The following LIMA1 variants were observed in gnomAD, a reference collection of about 807,000 sequenced individuals.
LIMA1 encodes LIM domain and actin binding 1, also known as LIM domain and actin-binding protein 1.
In LIMA1, 52 loss-of-function variants were observed where a neutral mutation model predicts 62.6. The observed-to-expected ratio is 0.83, with a 90% confidence interval of 0.67 to 1.05. The LOEUF is 1.05. LIMA1 is among the 50% of genes least tolerant of loss of function. The probability of loss-of-function intolerance (pLI) is 0.00; values close to 1 mark genes in which losing one functional copy is unlikely to be tolerated. For missense variants in LIMA1, 780 were observed against 902.2 expected (o/e 0.86, Z 1.74); for synonymous variants, 302 against 317.8 (o/e 0.95, Z 0.53).
At chr12:50,236,771 T>A (rs1385577132) in intron 2 of LIMA1, among the ~76,000 whole-genome samples, 1 of 151,978 alleles carries the variant, frequency 6.6e-6, no homozygotes, top group African/African-American at 2.4e-5. Flanking sequence ...CGCACACAGC[T>A]AATAAGCTAA....
intron 1 of LIMA1, among the ~76,000 whole-genome samples, chr12:50,276,953 C>A (rs1942282545): frequency 6.6e-6 from 1 of 151,542 alleles, no homozygotes; most frequent in Non-Finnish European, 1.5e-5. Flanking sequence ...GACCACAGGA[C>A]AAAAAATTAA....
chr12:50,282,537 A>T (rs1404107157), intron 1 of LIMA1, among the ~76,000 whole-genome samples: 2 of 152,018 alleles, frequency 1.3e-5, no homozygotes, highest in Admixed American at 6.6e-5. Context: ...TTATTTATTT[A>T]TTTTTTTGTA....
intron 1 of LIMA1, among the ~76,000 whole-genome samples, chr12:50,262,437 T>C (rs1444001508): frequency 6.6e-6 from 1 of 152,014 alleles, no homozygotes; most frequent in African/African-American, 2.4e-5. Context: ...GAAGCAACTC[T>C]AGTGTCAGAG....
rs571715319 is a variant in LIMA1, at chr12:50,232,771, G to A, written c.120-1061C>T. Among the ~76,000 whole-genome samples the A allele has an allele frequency of 6.6e-5, 10 of 152,342 alleles. No homozygotes were observed. The South Asian group carries it at 2.1e-3, about 32-fold the overall frequency. On this transcript the variant is annotated intron_variant, in intron 2 of 10. Transcript: ENST00000341247. ...AGAGGCCGAGGTGGGTGGATCGCCT[G>A]AGGTCAGGAGTTCAAGACCAGCCTG... is the stretch of plus-strand genomic sequence containing the variant.
chr12:50,214,645 A>G (rs1480172719), intron 4 of LIMA1, among the ~76,000 whole-genome samples: 1 of 152,242 alleles, frequency 6.6e-6, no homozygotes, highest in Non-Finnish European at 1.5e-5. Flanking sequence ...AGTCTCTACT[A>G]AAAACACAAA....
At chr12:50,193,694 T>G (rs2138436446) in intron 8 of LIMA1, among the ~76,000 whole-genome samples, 2 of 123,982 alleles carry the variant, frequency 1.6e-5, no homozygotes, top group South Asian at 5.3e-4. Flanking sequence ...TTTCAGAGTC[T>G]CACTCTGTCA....
At position 50,258,701 on chromosome 12, in the gene LIMA1, G is replaced by A. The variant is rs1286715573; in HGVS notation, c.-23-9927C>T. The stretch of plus-strand genomic sequence containing the variant: ...TCTCACTCTGTCACCAGGCTGGAGT[G>A]CAGTGGTGCGATCTCGGCTCACTGC... On this transcript the variant is annotated intron_variant, in intron 1 of 10. Transcript: ENST00000341247. Among the ~76,000 whole-genome samples the A allele has an allele frequency of 2.9e-5, 4 of 137,958 alleles. No individual in the cohort carries two copies. The East Asian group carries it at 6.5e-4, about 23-fold the overall frequency. 90.5% of individuals were successfully genotyped at this position (137,958 alleles called of 152,430 possible). A position where few individuals can be genotyped will look rare whatever the true frequency, so the allele number is the denominator to read the frequency against.
intron 4 of LIMA1, among the ~76,000 whole-genome samples, chr12:50,207,009 C>A (rs1191316351): frequency 6.6e-6 from 1 of 152,056 alleles, no homozygotes; most frequent in Non-Finnish European, 1.5e-5. Context: ...ACTGCAGCCT[C>A]CGCCTCCCAG....
chr12:50,218,895 T>TAAAAAAAAAAAAAAAA (rs1409254811), intron 4 of LIMA1, among the ~76,000 whole-genome samples: 1 of 73,992 alleles, frequency 1.4e-5, no homozygotes, highest in African/African-American at 4.9e-5. Context: ...CCTATCTCCA[T>TAAAAAAAAAAAAAAAA]AAAAAAAAAA....
At chr12:50,223,656 G>T (rs1394260705) in intron 3 of LIMA1, among the ~76,000 whole-genome samples, 1 of 152,088 alleles carries the variant, frequency 6.6e-6, no homozygotes, top group Non-Finnish European at 1.5e-5. Flanking sequence ...GGCCAAAAAT[G>T]GAATTAATTT....
intron 1 of LIMA1, among the ~76,000 whole-genome samples, chr12:50,282,035 CCTAAA>C (rs1942345392): frequency 6.6e-6 from 1 of 152,268 alleles, no homozygotes; most frequent in East Asian, 1.9e-4. Context: ...GAAATAAGTT[CCTAAA>C]CTAATTACCT....
At position 50,222,200 on chromosome 12, in the gene LIMA1, G is replaced by T; in HGVS notation, c.451C>A (p.Leu151Ile). 1 of 1,614,172 alleles carries T rather than the reference G, an allele frequency of 6.2e-7. No homozygotes were observed. Among genetic ancestry groups the T allele is most frequent in the South Asian group, 1.1e-5 (1 of 91,080 alleles). Reference sequence around the variant, plus strand: ...TTACTTTCTGTTGAGTGGTCTTTAAGATCCTCACCGTCCTTGATGTGGGGA... The same window carrying T: ...TTACTTTCTGTTGAGTGGTCTTTAATATCCTCACCGTCCTTGATGTGGGGA... ...RYPHIKDGEDLKDHSTESKKM... is the reference protein window; with the variant it reads ...RYPHIKDGEDIKDHSTESKKM... The change falls in exon 4 of 11, where the codon CTT becomes ATT. Residue 151 changes from leucine (L) to isoleucine (I), a missense_variant. Coordinates refer to ENST00000341247, the MANE Select transcript of LIMA1 (RefSeq NM_016357.5).
At chr12:50,179,809 T>C (rs947634250) in intron 10 of LIMA1, among the ~76,000 whole-genome samples, 6 of 151,540 alleles carry the variant, frequency 4.0e-5, no homozygotes, top group Non-Finnish European at 7.4e-5. Flanking sequence ...GGTATGATCA[T>C]AGCTCACTGC....
At chr12:50,201,038 T>TG in intron 6 of LIMA1, 154 bp from the exon 7 acceptor site, 1 of 1,425,926 alleles carries the variant, frequency 7.0e-7, no homozygotes, top group Non-Finnish European at 9.1e-7. Flanking sequence ...CAAAACCCAC[T>TG]GACTAGTGAA....
At chr12:50,201,189 C>T in intron 6 of LIMA1, 4 of 1,084,086 alleles carry the variant, frequency 3.7e-6, no homozygotes, top group Non-Finnish European at 4.5e-6. Flanking sequence ...TTGTGATTCA[C>T]TCTTCTAGCA....
chr12:50,263,834 G>GTATATATA (rs71441348), intron 1 of LIMA1, among the ~76,000 whole-genome samples: 1 of 116,284 alleles, frequency 8.6e-6, no homozygotes, highest in South Asian at 2.9e-4. Context: ...TATAGAGAGA[G>GTATATATA]TATATATATA....
chr12:50,260,685 T>A (rs1239222314), intron 1 of LIMA1, among the ~76,000 whole-genome samples: 1 of 152,144 alleles, frequency 6.6e-6, no homozygotes, highest in Admixed American at 6.6e-5. Context: ...AAAGGAGAAC[T>A]TACAGGTTCT....
chr12:50,280,097 T>C (rs1217791439), intron 1 of LIMA1, among the ~76,000 whole-genome samples: 1 of 151,122 alleles, frequency 6.6e-6, no homozygotes, highest in African/African-American at 2.4e-5. Flanking sequence ...AAAAGTTGCA[T>C]CTTTTTTTCC....
At position 50,200,902 on chromosome 12, in the gene LIMA1, C is replaced by G. The variant is rs756520427; in HGVS notation, c.865-18G>C. 4 of 1,609,826 alleles carry G rather than the reference C, an allele frequency of 2.5e-6. No homozygotes were observed. Among genetic ancestry groups the G allele is most frequent in the Non-Finnish European group, 8.5e-7 (1 of 1,178,966 alleles). Reference sequence around the variant, plus strand: ...AGCTCATTCTACAAAATAAAAATAACTGTAAAAATTTTTTTAAAGTCCCAT... The same window carrying G: ...AGCTCATTCTACAAAATAAAAATAAGTGTAAAAATTTTTTTAAAGTCCCAT... On this transcript the variant is annotated intron_variant, in intron 6 of 10. Transcript: ENST00000341247.
Sources: gnomAD v4.1 joint callset for allele counts (sites outside exome capture counted in the v4.1 genomes callset) on GRCh38, gnomAD v4.1.1 for gene constraint, MANE v1.5 for transcripts, NCBI Gene and HGNC (gene_info 2026-07-23, HGNC 2026-07-21) for gene names.